The following TYR variants were observed in gnomAD, a reference collection of about 807,000 sequenced individuals.
TYR encodes tyrosinase, also known as LB24-AB.
TYR carries 58 observed loss-of-function variants against 51.5 expected under a neutral mutation model. The ratio of observed to expected loss-of-function variants is 1.13; its 90% CI spans 0.91 to 1.40. The LOEUF is 1.40. Among genes scored for constraint, TYR ranks in the 40% most tolerant of loss-of-function variants. TYR has a pLI of 0.00. For synonymous variants in TYR, 263 were observed against 235.2 expected (o/e 1.12, Z -1.08); for missense variants, 732 against 647.4 (o/e 1.13, Z -1.42).
intron 2 of TYR, among the ~76,000 whole-genome samples, chr11:89,226,612 T>G (rs16913039): frequency 0.025 from 3,854 of 152,160 alleles, 175 homozygotes; most frequent in African/African-American, 0.089. Flanking sequence ...TCAGTCACAA[T>G]AGTGGGAGAG....
intron 3 of TYR, among the ~76,000 whole-genome samples, chr11:89,241,437 C>T (rs1208780717): frequency 6.6e-6 from 1 of 151,982 alleles, no homozygotes; most frequent in Admixed American, 6.6e-5. Flanking sequence ...ATTGCTAGGA[C>T]CTAACAAAAT....
chr11:89,222,060 C>T (rs1943919162), intron 2 of TYR, among the ~76,000 whole-genome samples: 1 of 152,180 alleles, frequency 6.6e-6, no homozygotes, highest in Admixed American at 6.5e-5. Context: ...GAACATGGAA[C>T]AGTTACCAGG....
At chr11:89,280,774 T>C (rs898253636) in intron 3 of TYR, among the ~76,000 whole-genome samples, 1 of 151,690 alleles carries the variant, frequency 6.6e-6, no homozygotes, top group African/African-American at 2.4e-5. Flanking sequence ...TTAGGTAAGA[T>C]AAACTGAGGT....
chr11:89,178,533 A>G lies in TYR; in HGVS notation c.580A>G (p.Ile194Val), dbSNP rs1943258578. The G allele has an allele frequency of 6.2e-7, 1 of 1,614,144 alleles. No homozygotes were observed. Among genetic ancestry groups the G allele is most frequent in the Non-Finnish European group, 8.5e-7 (1 of 1,180,024 alleles). Residue 194 changes from isoleucine to valine, a missense_variant, in exon 1 of 5, where the codon ATC becomes GTC. Ile to Val is a conservative substitution (Grantham distance 29). Transcript: ENST00000263321. The part of the protein sequence containing the change: ...SMDALLGGSE[I>V]WRDIDFAHEA... ...GGATGCACTGCTTGGGGGATCTGAA[A>G]TCTGGAGAGACATTGATTTTGCCCA...
chr11:89,265,455 G>A (rs1210164789), intron 3 of TYR, among the ~76,000 whole-genome samples: 2 of 151,874 alleles, frequency 1.3e-5, no homozygotes, highest in African/African-American at 4.8e-5. Context: ...TTCTTAACTG[G>A]GCCTTTCTCA....
chr11:89,205,726 GA>G (rs1463410938), intron 2 of TYR, among the ~76,000 whole-genome samples: 1 of 149,030 alleles, frequency 6.7e-6, no homozygotes, highest in African/African-American at 2.5e-5. Context: ...GACCTGCCCT[GA>G]AAAAAAAATG....
In TYR at chr11:89,206,325, A is replaced by G. The variant is rs187360038; in HGVS notation, c.1036+14907A>G. Among the ~76,000 whole-genome samples, 198 of 152,244 alleles carry G rather than the reference A, an allele frequency of 1.3e-3. 1 individual carries two copies. Among genetic ancestry groups the G allele is most frequent in the Non-Finnish European group, 2.1e-3 (141 of 67,988 alleles). On this transcript the variant is annotated intron_variant, in intron 2 of 4. Transcript: ENST00000263321. ...GGAAAAAATCATAAAACATTAATCA[A>G]AACAAAGTTAAAGTGGCTATATTAA...
chr11:89,241,808 A>G (rs1944198971), intron 3 of TYR, among the ~76,000 whole-genome samples: 1 of 148,052 alleles, frequency 6.8e-6, no homozygotes, highest in African/African-American at 2.4e-5. Context: ...TATATACTAT[A>G]TAATATAGTA....
intron 2 of TYR, among the ~76,000 whole-genome samples, chr11:89,198,276 T>C (rs1250434416): frequency 1.3e-5 from 2 of 152,046 alleles, no homozygotes; most frequent in Non-Finnish European, 2.9e-5. Context: ...TTGACACTAA[T>C]TGTATAAACT....
chr11:89,295,000 T>C (rs114540670), intron 4 of TYR, 143 bp from the exon 5 acceptor site: 176 of 1,378,426 alleles, frequency 1.3e-4, no homozygotes, highest in Non-Finnish European at 1.7e-4. Context: ...GGTGTAACTT[T>C]CCCAAGCTCT....
At chr11:89,264,443 G>T (rs552846581) in intron 3 of TYR, among the ~76,000 whole-genome samples, 1 of 151,846 alleles carries the variant, frequency 6.6e-6, no homozygotes, top group African/African-American at 2.4e-5. Flanking sequence ...CTAATGTCAT[G>T]GGAGTTTGTT....
intron 4 of TYR, among the ~76,000 whole-genome samples, chr11:89,289,209 C>T (rs1944828892): frequency 6.6e-6 from 1 of 152,010 alleles, no homozygotes; most frequent in South Asian, 2.1e-4. Flanking sequence ...TCTCCCCATA[C>T]ATTACAAAAG....
intron 2 of TYR, among the ~76,000 whole-genome samples, chr11:89,217,519 C>G (rs1195549054): frequency 1.3e-5 from 2 of 152,156 alleles, no homozygotes; most frequent in Non-Finnish European, 2.9e-5. Flanking sequence ...GGCCCACATA[C>G]CTTCTGCCTA....
intron 2 of TYR, among the ~76,000 whole-genome samples, chr11:89,215,904 T>C (rs916801648): frequency 6.6e-6 from 1 of 152,220 alleles, no homozygotes. Flanking sequence ...TATCTGTTTA[T>C]GTAATTATCA....
chr11:89,238,858 A>G (rs1192245039), intron 3 of TYR, among the ~76,000 whole-genome samples: 1 of 152,126 alleles, frequency 6.6e-6, no homozygotes, highest in Non-Finnish European at 1.5e-5. Flanking sequence ...TGATCATATG[A>G]TCATGTGATT....
intron 2 of TYR, among the ~76,000 whole-genome samples, chr11:89,214,171 G>A (rs1311153021): frequency 1.3e-5 from 2 of 151,796 alleles, no homozygotes; most frequent in African/African-American, 2.4e-5. Flanking sequence ...GAAAATTTTT[G>A]CCATCCATCA....
At chr11:89,267,355 A>AG (rs1944538044) in intron 3 of TYR, among the ~76,000 whole-genome samples, 1 of 151,984 alleles carries the variant, frequency 6.6e-6, no homozygotes. Context: ...CTTTGACTGA[A>AG]GATATAAAAA....
chr11:89,246,784 C>A (rs2135295998), intron 3 of TYR, among the ~76,000 whole-genome samples: 1 of 152,144 alleles, frequency 6.6e-6, no homozygotes, highest in Admixed American at 6.5e-5. Context: ...AGCCCAGAAA[C>A]AGTCCAACCA....
At chr11:89,250,017 A>G (rs1186516084) in intron 3 of TYR, among the ~76,000 whole-genome samples, 1 of 151,992 alleles carries the variant, frequency 6.6e-6, no homozygotes, top group Non-Finnish European at 1.5e-5. Flanking sequence ...TTCTGATTCA[A>G]GTGTGAAGGG....
Sources: allele counts gnomAD v4.1 joint callset (sites outside exome capture counted in the v4.1 genomes callset), GRCh38; gene constraint gnomAD v4.1.1; transcripts MANE v1.5; gene names NCBI Gene and HGNC (gene_info 2026-07-23, HGNC 2026-07-21).